Variants in FGD3 observed in about 807,000 individuals in gnomAD.
FGD3 encodes the protein FYVE, RhoGEF and PH domain containing 3.
A neutral mutation model predicts 71.8 loss-of-function variants in FGD3; 45 were observed. That is an observed-to-expected ratio of 0.63 (90% CI 0.49 to 0.80). The LOEUF (loss-of-function observed/expected upper bound fraction) is 0.80, where lower values mean the gene tolerates loss of function less well. FGD3 is among the 30% of genes least tolerant of loss of function. The probability of loss-of-function intolerance (pLI) is 0.00; values close to 1 mark genes in which losing one functional copy is unlikely to be tolerated. For missense variants in FGD3, 844 were observed against 951.5 expected (o/e 0.89, Z 1.49); for synonymous variants, 378 against 392.8 (o/e 0.96, Z 0.44).
intron 3 of FGD3, among the ~76,000 whole-genome samples, chr9:92,999,255 C>T (rs1205096328): frequency 2.0e-5 from 3 of 152,156 alleles, no homozygotes; most frequent in East Asian, 1.9e-4. Context: ...GCTCCGTGGG[C>T]GTGGGACCCT....
Position 93,027,085 on chromosome 9 carries a change from G to C in FGD3, c.1558-2789G>C, listed in dbSNP as rs1231688297. Among the ~76,000 whole-genome samples, 3 of 152,246 alleles carry C rather than the reference G, an allele frequency of 2.0e-5. No homozygotes were observed. In the East Asian group the frequency reaches 5.8e-4, roughly 29 times the overall value. On this transcript the variant is annotated intron_variant, in intron 14 of 17. Coordinates refer to ENST00000375482, the MANE Select transcript of FGD3 (RefSeq NM_001083536.2). ...AGAGGGAGCCCAGGCCGCCTCACCT[G>C]TGTCTTTGGAGCAAGGCCCATTCAA...
chr9:93,005,331 G>A (rs1861011386), intron 5 of FGD3, among the ~76,000 whole-genome samples: 2 of 151,922 alleles, frequency 1.3e-5, no homozygotes, highest in Non-Finnish European at 2.9e-5. Context: ...GTTTCACCGT[G>A]TTGGCCAGGA....
At chr9:92,985,516 T>C (rs1221807613) in intron 3 of FGD3, among the ~76,000 whole-genome samples, 2 of 152,240 alleles carry the variant, frequency 1.3e-5, no homozygotes, top group Non-Finnish European at 2.9e-5. Context: ...TTTGCTCTTG[T>C]TGCCCAGGCT....
At chr9:93,011,618 G>T (rs530510712) in intron 8 of FGD3, among the ~76,000 whole-genome samples, 1 of 152,204 alleles carries the variant, frequency 6.6e-6, no homozygotes, top group Non-Finnish European at 1.5e-5. Flanking sequence ...AGCACTTTGG[G>T]AGGCCGAGGC....
intron 14 of FGD3, among the ~76,000 whole-genome samples, chr9:93,025,936 G>A (rs1289300134): frequency 6.6e-6 from 1 of 152,230 alleles, no homozygotes; most frequent in Non-Finnish European, 1.5e-5. Context: ...CAGGGCTGGA[G>A]CAGAGGCATC....
intron 15 of FGD3, 37 bp downstream of exon 15, chr9:93,030,033 A>T: frequency 6.2e-7 from 1 of 1,602,444 alleles, no homozygotes; most frequent in Non-Finnish European, 8.5e-7. Flanking sequence ...ACAGGAGGCC[A>T]CCCTGTCCTC....
chr9:93,010,313 G>C lies in FGD3; in HGVS notation c.905G>C (p.Arg302Pro). Residue 302 changes from arginine to proline, a missense_variant, in exon 7 of 18, where the codon CGG (arginine) becomes CCG (proline). Arg to Pro is a moderately radical substitution (Grantham distance 103). Coordinates refer to ENST00000375482, the MANE Select transcript of FGD3 (RefSeq NM_001083536.2). ...HMLEPVQRVP[R>P]YELLLKDYLK... ...CTGGAGCCCGTGCAGAGGGTCCCCC[G>C]GTACGAGCTGCTGCTCAAGGACTAT... The C allele has an allele frequency of 6.2e-7, 1 of 1,613,662 alleles. No individual in the cohort carries two copies. Among genetic ancestry groups the C allele is most frequent in the Non-Finnish European group, 8.5e-7 (1 of 1,179,672 alleles).
intron 14 of FGD3, among the ~76,000 whole-genome samples, chr9:93,023,122 G>T (rs749527893): frequency 2.6e-5 from 4 of 152,218 alleles, no homozygotes; most frequent in Non-Finnish European, 5.9e-5. Flanking sequence ...CCCCGATGTG[G>T]CTGCTGTGCC....
chr9:93,016,772 C>T lies in FGD3; in HGVS notation c.1275+943C>T, dbSNP rs954411648. Among the ~76,000 whole-genome samples, 39 of 150,868 alleles carry T rather than the reference C, an allele frequency of 2.6e-4. 1 individual carries two copies. Among genetic ancestry groups the T allele is most frequent in the African/African-American group, 5.1e-4 (21 of 40,932 alleles). ...CAGAATAGCTGTGATTACAGGTGCGCGCCACCACGCCCAGCTAATTTTTGT... is the reference window on the plus strand; with the variant it reads ...CAGAATAGCTGTGATTACAGGTGCGTGCCACCACGCCCAGCTAATTTTTGT... On this transcript the variant is annotated intron_variant, in intron 10 of 17. Coordinates refer to ENST00000375482, the MANE Select transcript of FGD3 (RefSeq NM_001083536.2).
At chr9:92,987,337 C>A (rs981370607) in intron 3 of FGD3, among the ~76,000 whole-genome samples, 10 of 150,190 alleles carry the variant, frequency 6.7e-5, no homozygotes, top group African/African-American at 2.2e-4. Flanking sequence ...GAGGCTGAGG[C>A]AGAAGAATGG....
chr9:93,018,196 T>A lies in FGD3; in HGVS notation c.1336T>A (p.Ser446Thr), dbSNP rs762946055. The change falls in exon 11 of 18, where the codon TCC becomes ACC. Residue 446 changes from serine to threonine, a missense_variant. Coordinates refer to ENST00000375482, the MANE Select transcript of FGD3 (RefSeq NM_001083536.2). ...HTFIITGRKR[S>T]LELQTRTEEE... Reference sequence around the variant, plus strand: ...ATTCATCATAACAGGAAGAAAAAGGTCCCTGGAGCTGCAGACGCGGTATGG... The same window carrying A: ...ATTCATCATAACAGGAAGAAAAAGGACCCTGGAGCTGCAGACGCGGTATGG... 1.9e-5 allele frequency: 31 copies of A among 1,614,074 alleles called. No individual in the cohort carries two copies. The highest frequency in any genetic ancestry group is 2.5e-5 in the Non-Finnish European group (30 of 1,179,976).
At chr9:92,986,555 A>T (rs895988599) in intron 3 of FGD3, among the ~76,000 whole-genome samples, 1 of 152,228 alleles carries the variant, frequency 6.6e-6, no homozygotes, top group East Asian at 1.9e-4. Context: ...TTCCCTCTTG[A>T]CATAAAAGAA....
intron 17 of FGD3, among the ~76,000 whole-genome samples, chr9:93,034,929 G>A (rs1024639855): frequency 2.0e-5 from 3 of 152,252 alleles, no homozygotes; most frequent in African/African-American, 7.2e-5. Context: ...GGGCACAAAG[G>A]GTGGCCAGGA....
chr9:93,021,987 C>G (rs1030614616), intron 13 of FGD3, among the ~76,000 whole-genome samples: 11 of 152,140 alleles, frequency 7.2e-5, no homozygotes, highest in African/African-American at 2.4e-4. Context: ...CACAAGGAAC[C>G]CTGGAGGATG....
intron 1 of FGD3, among the ~76,000 whole-genome samples, chr9:92,956,613 CAG>C (rs998524945): frequency 1.3e-5 from 2 of 152,156 alleles, no homozygotes; most frequent in Admixed American, 6.5e-5. Context: ...ACCTTGATCT[CAG>C]AGTTCCAGCC....
chr9:92,956,204 T>C (rs1043086166), intron 1 of FGD3, among the ~76,000 whole-genome samples: 2 of 152,228 alleles, frequency 1.3e-5, no homozygotes, highest in African/African-American at 4.8e-5. Flanking sequence ...TGGACAATTT[T>C]ATTTCTTCCT....
intron 3 of FGD3, among the ~76,000 whole-genome samples, chr9:92,984,336 T>C (rs907000036): frequency 2.6e-5 from 4 of 152,258 alleles, no homozygotes; most frequent in African/African-American, 9.6e-5. Flanking sequence ...CACTTTTCTT[T>C]ATAACCTTCC....
chr9:92,968,328 C>T (rs1019592804), intron 1 of FGD3, among the ~76,000 whole-genome samples: 6 of 152,140 alleles, frequency 3.9e-5, no homozygotes, highest in Admixed American at 2.0e-4. Flanking sequence ...TGACTACAAA[C>T]GGGGAGGTGC....
chr9:92,961,914 T>G (rs541942902), intron 1 of FGD3, among the ~76,000 whole-genome samples: 4 of 152,346 alleles, frequency 2.6e-5, no homozygotes, highest in South Asian at 4.1e-4. Context: ...TGCAGTGTTA[T>G]GTATGGCCTG....
Sources: allele counts gnomAD v4.1 joint callset (sites outside exome capture counted in the v4.1 genomes callset), GRCh38; gene constraint gnomAD v4.1.1; transcripts MANE v1.5; gene names NCBI Gene and HGNC (gene_info 2026-07-23, HGNC 2026-07-21).